SIK3: variants seen among roughly 807,000 people sequenced by gnomAD.
SIK3 encodes the protein SIK family kinase 3, also known as serine/threonine-protein kinase SIK3.
A neutral mutation model predicts 144.2 loss-of-function variants in SIK3; 28 were observed. That is an observed-to-expected ratio of 0.19 (90% CI 0.14 to 0.27). The LOEUF is 0.27. Among genes scored for constraint, SIK3 ranks in the 10% least tolerant of loss-of-function variants. The pLI is 1.00. For synonymous variants in SIK3, 686 were observed against 676.3 expected (o/e 1.01, Z -0.22); for missense variants, 1,319 against 1,776.0 (o/e 0.74, Z 4.62).
intron 1 of SIK3, among the ~76,000 whole-genome samples, chr11:116,999,205 A>C (rs538342228): frequency 6.6e-6 from 1 of 152,226 alleles, no homozygotes; most frequent in Non-Finnish European, 1.5e-5. Flanking sequence ...TTTGAATCCA[A>C]AGTTTTAAAG....
At chr11:117,075,908 G>T (rs1389232177) in intron 1 of SIK3, among the ~76,000 whole-genome samples, 1 of 122,506 alleles carries the variant, frequency 8.2e-6, no homozygotes, top group East Asian at 2.5e-4. Context: ...GGAGTGCAAT[G>T]CACGATCTCG....
intron 1 of SIK3, among the ~76,000 whole-genome samples, chr11:116,987,735 G>A (rs1333442593): frequency 6.6e-6 from 1 of 152,138 alleles, no homozygotes; most frequent in Admixed American, 6.5e-5. Flanking sequence ...GGGGGAGGAG[G>A]TAGTAGTAAA....
chr11:116,862,069 T>C, intron 17 of SIK3, 133 bp downstream of exon 17: 2 of 1,385,128 alleles, frequency 1.4e-6, no homozygotes, highest in Non-Finnish European at 2.0e-6. Context: ...CTGATTACCT[T>C]TACTCAAACA....
intron 1 of SIK3, among the ~76,000 whole-genome samples, chr11:117,090,885 C>T (rs1955213389): frequency 6.6e-6 from 1 of 152,212 alleles, no homozygotes; most frequent in African/African-American, 2.4e-5. Context: ...AATGTTTCCT[C>T]TCATCATGAC....
intron 1 of SIK3, among the ~76,000 whole-genome samples, chr11:117,080,875 G>A (rs1954754047): frequency 6.6e-6 from 1 of 152,138 alleles, no homozygotes; most frequent in Non-Finnish European, 1.5e-5. Context: ...TCGAATCTGG[G>A]AGGCAGAAGT....
chr11:116,898,203 C>T (rs1451583134), intron 4 of SIK3, among the ~76,000 whole-genome samples: 1 of 151,774 alleles, frequency 6.6e-6, no homozygotes, highest in African/African-American at 2.4e-5. Context: ...CAATTCCCAC[C>T]TATGAGTGAG....
chr11:116,971,495 G>C (rs1277939950), intron 1 of SIK3, among the ~76,000 whole-genome samples: 1 of 152,132 alleles, frequency 6.6e-6, no homozygotes, highest in Non-Finnish European at 1.5e-5. Context: ...CATAAGCATA[G>C]TAAGAATAGG....
chr11:117,011,601 G>A (rs188228832), intron 1 of SIK3, among the ~76,000 whole-genome samples: 1 of 152,272 alleles, frequency 6.6e-6, no homozygotes, highest in East Asian at 1.9e-4. Context: ...TCAGCCATGT[G>A]TTAGTACTGA....
chr11:117,090,803 G>C (rs936997925), intron 1 of SIK3, among the ~76,000 whole-genome samples: 1 of 152,218 alleles, frequency 6.6e-6, no homozygotes, highest in Non-Finnish European at 1.5e-5. Context: ...TGGCAAAGGT[G>C]ACAGAGTGGT....
At position 116,872,150 on chromosome 11, in the gene SIK3, A is replaced by G. The variant is rs140023253; in HGVS notation, c.1737+1331T>C. On this transcript the variant is annotated intron_variant, in intron 13 of 24. Transcript: ENST00000445177. ...GGGAAAACACAGGGAATGTGGTGCCACAGACACCAAGAACAGAAAATATTT... is the reference window on the plus strand; with the variant it reads ...GGGAAAACACAGGGAATGTGGTGCCGCAGACACCAAGAACAGAAAATATTT... Among the ~76,000 whole-genome samples the G allele has an allele frequency of 4.0e-3, 604 of 152,332 alleles. 7 individuals are homozygous for G. The highest frequency in any genetic ancestry group is 0.014 in the African/African-American group (563 of 41,552).
rs991690494 is a variant in SIK3 at position 116,897,743 on chromosome 11, C to T, written c.617-426G>A. Among the ~76,000 whole-genome samples, 8 of 152,204 alleles carry T rather than the reference C, an allele frequency of 5.3e-5. No homozygotes were observed. The South Asian group carries it at 1.5e-3, about 28-fold the overall frequency. ...ACCAACATACAAAAAATTAGCCGGG[C>T]GTGGTGGCGTGCGCCTGTAGTCCCA... On this transcript the variant is annotated intron_variant, in intron 4 of 24. Transcript: ENST00000445177.
At chr11:116,961,285 G>A (rs796132832) in intron 1 of SIK3, among the ~76,000 whole-genome samples, 2 of 152,264 alleles carry the variant, frequency 1.3e-5, no homozygotes, top group African/African-American at 4.8e-5. Context: ...AACAGGGAAA[G>A]GAACTCAGCT....
intron 1 of SIK3, among the ~76,000 whole-genome samples, chr11:117,090,619 T>C (rs561093110): frequency 2.0e-5 from 3 of 152,360 alleles, no homozygotes; most frequent in African/African-American, 4.8e-5. Flanking sequence ...CCCTAGGAGT[T>C]AGCTAGATAT....
chr11:116,892,213 T>C lies in SIK3; in HGVS notation c.865+4040A>G, dbSNP rs142411202. 6.6e-5 allele frequency among the ~76,000 whole-genome samples: 10 copies of C among 152,150 alleles called. No homozygotes were observed. In the East Asian group the frequency reaches 1.5e-3, roughly 24 times the overall value. ...TAAATAACATGGCTCCAGAAAGATG[T>C]TGTAAAGATGAAAAGATCTAAAGGA... is the stretch of plus-strand genomic sequence containing the variant. On this transcript the variant is annotated intron_variant, in intron 6 of 24. Transcript: ENST00000445177.
intron 1 of SIK3, among the ~76,000 whole-genome samples, chr11:117,072,867 C>T (rs1319592851): frequency 6.6e-6 from 1 of 152,134 alleles, no homozygotes; most frequent in Non-Finnish European, 1.5e-5. Context: ...AAGTATACAT[C>T]AGTATTTTGC....
At chr11:116,929,046 G>C (rs567234839) in intron 3 of SIK3, among the ~76,000 whole-genome samples, 1 of 152,174 alleles carries the variant, frequency 6.6e-6, no homozygotes, top group African/African-American at 2.4e-5. Flanking sequence ...TTAGGCTTCC[G>C]GTGAGGTCTG....
Position 116,867,369 on chromosome 11 carries a change from T to C in SIK3, c.1952+577A>G, listed in dbSNP as rs1041240871. ...GTCAGGAAGGTTAAACTTGCTTTTA[T>C]TTCTTCAAGAGAATGGATTATAACC... On this transcript the variant is annotated intron_variant, in intron 15 of 24. Coordinates refer to ENST00000445177, the MANE Select transcript of SIK3 (RefSeq NM_001366686.3). The surrounding 1 kb of genome is among the most constrained non-coding windows in gnomAD (Gnocchi z 4.1). Among the ~76,000 whole-genome samples, 6 of 152,232 alleles carry C rather than the reference T, an allele frequency of 3.9e-5. No homozygotes were observed. Among genetic ancestry groups the C allele is most frequent in the Non-Finnish European group, 8.8e-5 (6 of 68,050 alleles).
chr11:117,092,371 G>A (rs954095298), intron 1 of SIK3, among the ~76,000 whole-genome samples: 5 of 151,986 alleles, frequency 3.3e-5, no homozygotes, highest in African/African-American at 1.2e-4. Flanking sequence ...ATCTTCCCAG[G>A]TTGGCTTTTT....
chr11:116,961,490 G>A (rs1451513626), intron 1 of SIK3, among the ~76,000 whole-genome samples: 2 of 152,160 alleles, frequency 1.3e-5, no homozygotes, highest in Non-Finnish European at 2.9e-5. Context: ...AGGTTTTGGT[G>A]TAAAGTACAC....
Sources: gnomAD v4.1 joint callset for allele counts (sites outside exome capture counted in the v4.1 genomes callset) on GRCh38, gnomAD v4.1.1 for gene constraint, Gnocchi (gnomAD v3.1) non-coding constraint, MANE v1.5 for transcripts, NCBI Gene and HGNC (gene_info 2026-07-23, HGNC 2026-07-21) for gene names.